CIT: variants seen among roughly 807,000 people sequenced by gnomAD.
CIT encodes the protein citron Rho-interacting kinase.
In CIT, 79 loss-of-function variants were observed where a neutral mutation model predicts 272.7. The observed-to-expected ratio is 0.29, with a 90% CI of 0.24 to 0.35. CIT has a LOEUF of 0.35. CIT is among the 10% of genes least tolerant of loss of function. CIT has a pLI of 1.00. For missense variants in CIT, 1,909 were observed against 2,618.3 expected, an observed-to-expected ratio of 0.73 and a Z score of 5.91; for synonymous variants, 948 against 995.6, an observed-to-expected ratio of 0.95 and a Z score of 0.90.
intron 32 of CIT, among the ~76,000 whole-genome samples, chr12:119,717,834 C>CTT (rs546520444): frequency 9.1e-4 from 64 of 70,228 alleles, no homozygotes; most frequent in Admixed American, 1.3e-3. Flanking sequence ...AGACTGACTT[C>CTT]TTTCTTTTTT....
In CIT at chr12:119,767,174, T is replaced by G. The variant is rs1241056063; in HGVS notation, c.2217A>C (p.Glu739Asp). Residue 739 changes from glutamate to aspartate, a missense_variant, in exon 19 of 48, where the codon GAA (glutamate) becomes GAC (aspartate). Around this residue, in one of 8 missense-constraint regions of CIT, gnomAD observed 530 missense variants for 822.4 expected, o/e 0.64. Transcript: ENST00000392521. ...QQMADKILEL[E>D]EKHREAQVSA... ...AGACTTGGGCCTCCCGATGTTTCTC[T>G]TCGAGCTCCTAGACACAAAAGAAAA... 6.2e-7 allele frequency: 1 copy of G among 1,609,840 alleles called. No homozygotes were observed. The highest frequency in any genetic ancestry group is 2.2e-5 in the East Asian group (1 of 44,776).
intron 3 of CIT, among the ~76,000 whole-genome samples, chr12:119,862,847 AC>A (rs775013222): frequency 5.2e-5 from 6 of 116,218 alleles, no homozygotes; most frequent in African/African-American, 1.9e-4. Flanking sequence ...AAAAGAAAAA[AC>A]CAAAAAAAAA....
rs3999547 is a variant in CIT, at chr12:119,726,385, A to ATTTTTTTTT, written c.3591+2108_3591+2116dup. Among the ~76,000 whole-genome samples the ATTTTTTTTT allele has an allele frequency of 1.1e-4, 11 of 101,446 alleles. 2 individuals are homozygous for ATTTTTTTTT. The highest frequency in any genetic ancestry group is 1.1e-4 in the Non-Finnish European group (6 of 52,984). 66.6% of individuals were successfully genotyped at this position (101,446 alleles called of 152,430 possible). A position where few individuals can be genotyped will look rare whatever the true frequency, so the allele number is the denominator to read the frequency against. Reference sequence around the variant, plus strand: ...AACTGCACACCACCACACTTGGCTAATTTTTTTTTTTTTTTTTTTTTTTTT... The same window carrying ATTTTTTTTT: ...AACTGCACACCACCACACTTGGCTAATTTTTTTTTTTTTTTTTTTTTTTTTTTTTTTTTT... On this transcript the variant is annotated intron_variant, in intron 28 of 47. Coordinates refer to ENST00000392521, the MANE Select transcript of CIT (RefSeq NM_001206999.2).
chr12:119,866,542 G>A (rs1950521241), intron 3 of CIT, among the ~76,000 whole-genome samples: 1 of 152,176 alleles, frequency 6.6e-6, no homozygotes, highest in Non-Finnish European at 1.5e-5. Context: ...TTGTGGGCTG[G>A]GCACAGTGGC....
chr12:119,833,264 T>C (rs1291202756), intron 6 of CIT, among the ~76,000 whole-genome samples: 1 of 152,194 alleles, frequency 6.6e-6, no homozygotes, highest in Non-Finnish European at 1.5e-5. Context: ...GCTGAGACTC[T>C]ATCTCAAATT....
intron 9 of CIT, 90 bp from the exon 10 acceptor site, chr12:119,803,479 T>TCGGCG (rs1966383974): frequency 1.0e-6 from 1 of 969,800 alleles, no homozygotes; most frequent in African/African-American, 1.7e-5. Flanking sequence ...TCTTACTCCT[T>TCGGCG]CGGCGCTGGC....
intron 32 of CIT, among the ~76,000 whole-genome samples, chr12:119,717,834 C>CTTTTTTTTTTTTTTTTTTTTTTTTT (rs546520444): frequency 1.4e-5 from 1 of 70,244 alleles, no homozygotes; most frequent in African/African-American, 5.0e-5. Context: ...AGACTGACTT[C>CTTTTTTTTTTTTTTTTTTTTTTTTT]TTTCTTTTTT....
chr12:119,775,706 T>C, intron 16 of CIT, 80 bp downstream of exon 16: 1 of 1,106,958 alleles, frequency 9.0e-7, no homozygotes. Context: ...TCTTTCATCT[T>C]TCGTGCTCTG....
At chr12:119,864,955 G>T (rs1231879606) in intron 3 of CIT, among the ~76,000 whole-genome samples, 2 of 152,056 alleles carry the variant, frequency 1.3e-5, no homozygotes, top group Admixed American at 6.6e-5. Context: ...AGTCCCCAAA[G>T]AAAATCTCCA....
intron 23 of CIT, among the ~76,000 whole-genome samples, chr12:119,751,472 G>A (rs1960252798): frequency 6.6e-6 from 1 of 151,876 alleles, no homozygotes; most frequent in South Asian, 2.1e-4. Flanking sequence ...ATACTCTCCA[G>A]CTAAGTAAAC....
At chr12:119,797,115 G>A (rs1202877057) in intron 10 of CIT, among the ~76,000 whole-genome samples, 1 of 152,220 alleles carries the variant, frequency 6.6e-6, no homozygotes, top group African/African-American at 2.4e-5. Flanking sequence ...TGCCAGACTG[G>A]CGCAGAGCTT....
At chr12:119,739,243 C>A (rs1162175476) in intron 24 of CIT, among the ~76,000 whole-genome samples, 1 of 152,198 alleles carries the variant, frequency 6.6e-6, no homozygotes, top group Non-Finnish European at 1.5e-5. Context: ...ACCAACTCCC[C>A]TCTAAAACAG....
In CIT at chr12:119,708,302, C is replaced by T. The variant is rs574418676; in HGVS notation, c.5088G>A (p.Leu1696=). 5.0e-6 allele frequency: 8 copies of T among 1,599,074 alleles called. No homozygotes were observed. In the Admixed American group the frequency reaches 6.9e-5, roughly 14 times the overall value. The change falls in exon 40 of 48, where the codon CTG becomes CTA. Residue 1696 remains leucine, a synonymous_variant. Coordinates refer to ENST00000392521, the MANE Select transcript of CIT (RefSeq NM_001206999.2). ...TCACTTTCTTCACGTCCACAAGACA[C>T]AGTGCCCGCTCTTCTCCTGAACAGG... is the stretch of plus-strand genomic sequence containing the variant. ...LLMIAGEERA[L]CLVDVKKVKQ...
intron 23 of CIT, among the ~76,000 whole-genome samples, chr12:119,747,643 C>T (rs1829205292): frequency 6.6e-6 from 1 of 151,578 alleles, no homozygotes; most frequent in African/African-American, 2.4e-5. Context: ...TCGCCTGAAC[C>T]CAGGAGGTGG....
At chr12:119,703,904 G>T (rs187640192) in intron 41 of CIT, among the ~76,000 whole-genome samples, 1 of 152,216 alleles carries the variant, frequency 6.6e-6, no homozygotes, top group African/African-American at 2.4e-5. Flanking sequence ...GCTCCGAAAA[G>T]AAGGAGCTCC....
chr12:119,863,828 C>A (rs1214377059), intron 3 of CIT, among the ~76,000 whole-genome samples: 1 of 150,528 alleles, frequency 6.6e-6, no homozygotes, highest in Non-Finnish European at 1.5e-5. Flanking sequence ...CCACGCCGGA[C>A]CAAAAGTTTT....
Position 119,742,443 on chromosome 12 carries a change from G to A in CIT, c.2926C>T (p.Arg976Cys), listed in dbSNP as rs1593552812. 12 of 1,610,622 alleles carry A rather than the reference G, an allele frequency of 7.5e-6. No homozygotes were observed. Among genetic ancestry groups the A allele is most frequent in the South Asian group, 1.1e-5 (1 of 90,330 alleles). ...CTGTTACGAAGAGCATCAAATTTGC[G>A]CTGGATTTCATCTCTATGTGCCTAA... ...ALTAHRDEIQ[R>C]KFDALRNSCT... The change falls in exon 24 of 48, where the codon CGC becomes TGC. Residue 976 changes from arginine (R) to cysteine (C), a missense_variant. Transcript: ENST00000392521.
intron 9 of CIT, among the ~76,000 whole-genome samples, chr12:119,816,714 A>T (rs1967221858): frequency 6.6e-6 from 1 of 152,240 alleles, no homozygotes; most frequent in South Asian, 2.1e-4. Flanking sequence ...GTTAACAGTA[A>T]CAGTGGCAGT....
chr12:119,823,842 C>T (rs1967933545), intron 8 of CIT, among the ~76,000 whole-genome samples: 1 of 151,792 alleles, frequency 6.6e-6, no homozygotes. Flanking sequence ...GAGTTCAAGA[C>T]CAGCCTAGCC....
Sources: allele counts gnomAD v4.1 joint callset (sites outside exome capture counted in the v4.1 genomes callset), GRCh38; gene constraint gnomAD v4.1.1; regional missense constraint gnomAD v4.1.1; transcripts MANE v1.5; gene names NCBI Gene and HGNC (gene_info 2026-07-23, HGNC 2026-07-21).